The following DLGAP1 variants were observed in gnomAD, a reference collection of about 807,000 sequenced individuals.
DLGAP1 encodes disks large-associated protein 1.
In DLGAP1, 11 loss-of-function variants were observed where a neutral mutation model predicts 90.8. That is an observed-to-expected ratio of 0.12 (90% CI 0.08 to 0.20). DLGAP1 has a LOEUF of 0.20. Among genes scored for constraint, DLGAP1 ranks in the 10% least tolerant of loss-of-function variants. DLGAP1 has a pLI of 1.00. For missense variants in DLGAP1, 1,050 were observed against 1,333.8 expected, an observed-to-expected ratio of 0.79 and a Z score of 3.31; for synonymous variants, 558 against 540.7, an observed-to-expected ratio of 1.03 and a Z score of -0.44.
intron 1 of DLGAP1, among the ~76,000 whole-genome samples, chr18:4,437,549 G>A (rs968659835): frequency 6.6e-6 from 1 of 150,576 alleles, no homozygotes; most frequent in South Asian, 2.1e-4. Context: ...GTTGTTTAGG[G>A]AATGATGACA....
chr18:4,333,378 C>T (rs2080992714), intron 1 of DLGAP1, among the ~76,000 whole-genome samples: 2 of 151,874 alleles, frequency 1.3e-5, no homozygotes, highest in South Asian at 4.1e-4. Context: ...GTAAGCTCTA[C>T]TATACAAGTG....
chr18:3,938,045 A>C (rs917913824), intron 3 of DLGAP1, among the ~76,000 whole-genome samples: 5 of 152,252 alleles, frequency 3.3e-5, no homozygotes, highest in African/African-American at 1.2e-4. Context: ...CTCACAGTGA[A>C]TTTGAAACAA....
chr18:3,724,618 G>T (rs1244738960), intron 7 of DLGAP1, among the ~76,000 whole-genome samples: 1 of 151,980 alleles, frequency 6.6e-6, no homozygotes, highest in Non-Finnish European at 1.5e-5. Context: ...GGTGGCATGT[G>T]CCTGTAATCC....
At chr18:4,029,591 G>A (rs562258035) in intron 2 of DLGAP1, among the ~76,000 whole-genome samples, 3 of 152,212 alleles carry the variant, frequency 2.0e-5, no homozygotes, top group South Asian at 4.2e-4. Flanking sequence ...TTTTATACCT[G>A]AATGCTAGAG....
chr18:4,056,527 T>C (rs760906362), intron 2 of DLGAP1, among the ~76,000 whole-genome samples: 83 of 152,324 alleles, frequency 5.4e-4, no homozygotes, highest in Non-Finnish European at 1.0e-3. Context: ...AATTCTGTAT[T>C]AGCATTGGTC....
intron 1 of DLGAP1, among the ~76,000 whole-genome samples, chr18:4,411,801 C>T (rs1485930292): frequency 6.6e-6 from 1 of 152,150 alleles, no homozygotes; most frequent in African/African-American, 2.4e-5. Context: ...CTTCATGTTG[C>T]TCGGGCACCT....
chr18:3,620,854 G>T (rs971303170), intron 7 of DLGAP1, among the ~76,000 whole-genome samples: 24 of 152,094 alleles, frequency 1.6e-4, no homozygotes, highest in African/African-American at 5.6e-4. Flanking sequence ...CACCACGTCC[G>T]GCCTGGTATC....
rs1292125025 is a variant in DLGAP1, at chr18:3,560,551, C to T, written c.2057+6939G>A. Among the ~76,000 whole-genome samples the T allele has an allele frequency of 2.8e-5, 4 of 143,080 alleles. 1 individual carries two copies. Among genetic ancestry groups the T allele is most frequent in the African/African-American group, 5.5e-5 (2 of 36,164 alleles). The allele number at this position is 143,080 out of a possible 152,430, so 93.9% of individuals were successfully genotyped here. ...GTTGTGGTGAGCCAATATTGTGCCA[C>T]TGCACTCCAGCCTGGGTGACAGAGC... On this transcript the variant is annotated intron_variant, in intron 9 of 12. Transcript: ENST00000315677.
At chr18:4,413,314 A>G (rs926364567) in intron 1 of DLGAP1, among the ~76,000 whole-genome samples, 4 of 152,130 alleles carry the variant, frequency 2.6e-5, no homozygotes, top group Non-Finnish European at 4.4e-5. Flanking sequence ...AAGCAAGTGG[A>G]TCCCAACAGC....
At chr18:4,401,360 C>T (rs2082550494) in intron 1 of DLGAP1, among the ~76,000 whole-genome samples, 1 of 152,148 alleles carries the variant, frequency 6.6e-6, no homozygotes, top group African/African-American at 2.4e-5. Context: ...AACCATGCTG[C>T]TTATTCTGTA....
rs550745119 is a variant in DLGAP1 at position 4,248,963 on chromosome 18, C to G, written c.-266-97676G>C. 2.0e-5 allele frequency among the ~76,000 whole-genome samples: 3 copies of G among 152,352 alleles called. No individual in the cohort carries two copies. The South Asian group carries it at 6.2e-4, about 32-fold the overall frequency. ...CTCCGGCCTCCCGCCCATGTATGTG[C>G]TGCCTTTGCCTGGAATGCTCAGATA... On this transcript the variant is annotated intron_variant, in intron 1 of 12. Coordinates refer to ENST00000315677, the MANE Select transcript of DLGAP1 (RefSeq NM_004746.4).
chr18:3,679,904 T>C (rs547540609), intron 7 of DLGAP1: 1 of 151,868 alleles, frequency 6.6e-6, no homozygotes, highest in Non-Finnish European at 1.5e-5. Flanking sequence ...CAGGCTGGTC[T>C]TGAACTCCTG....
intron 1 of DLGAP1, among the ~76,000 whole-genome samples, chr18:4,213,397 T>G (rs1423323318): frequency 6.6e-6 from 1 of 151,922 alleles, no homozygotes; most frequent in East Asian, 1.9e-4. Flanking sequence ...GGAGGAAGAA[T>G]GGAAAGGAGT....
At chr18:4,190,093 C>T (rs143291859) in intron 1 of DLGAP1, among the ~76,000 whole-genome samples, 1,538 of 151,948 alleles carry the variant, frequency 0.01, 13 homozygotes, top group Non-Finnish European at 0.014. Flanking sequence ...AACCTGCACA[C>T]GAAAGCTACA....
intron 3 of DLGAP1, among the ~76,000 whole-genome samples, chr18:3,912,794 G>C (rs1285466278): frequency 6.6e-6 from 1 of 152,000 alleles, no homozygotes; most frequent in Non-Finnish European, 1.5e-5. Context: ...TTCTTTCCAT[G>C]TCTTTGTTTC....
intron 2 of DLGAP1, among the ~76,000 whole-genome samples, chr18:4,099,864 C>T (rs1327245972): frequency 6.6e-6 from 1 of 151,878 alleles, no homozygotes; most frequent in Non-Finnish European, 1.5e-5. Context: ...CTGCCACATG[C>T]AAGTAAATTT....
intron 2 of DLGAP1, among the ~76,000 whole-genome samples, chr18:4,090,621 T>C (rs945225319): frequency 1.3e-5 from 2 of 152,134 alleles, no homozygotes; most frequent in South Asian, 2.1e-4. Context: ...TGTGAAGAAA[T>C]AGGAACGCTT....
At chr18:3,576,283 G>A (rs534176777) in intron 8 of DLGAP1, among the ~76,000 whole-genome samples, 87 of 149,654 alleles carry the variant, frequency 5.8e-4, no homozygotes, top group African/African-American at 2.0e-3. Flanking sequence ...TTTTTGAGAC[G>A]GAGTCTTGCT....
At chr18:4,115,309 C>A (rs1243261415) in intron 2 of DLGAP1, among the ~76,000 whole-genome samples, 1 of 150,010 alleles carries the variant, frequency 6.7e-6, no homozygotes, top group Non-Finnish European at 1.5e-5. Context: ...CCAAAAAATA[C>A]ATTGTTATAA....
Sources: allele counts gnomAD v4.1 joint callset (sites outside exome capture counted in the v4.1 genomes callset), GRCh38; gene constraint gnomAD v4.1.1; transcripts MANE v1.5; gene names NCBI Gene and HGNC (gene_info 2026-07-23, HGNC 2026-07-21).